The following SMOX variants were observed in gnomAD, a reference collection of about 807,000 sequenced individuals.
SMOX encodes flavin containing amine oxidase.
SMOX carries 22 observed loss-of-function variants against 51.0 expected under a neutral mutation model. The observed-to-expected ratio is 0.43, with a 90% CI of 0.31 to 0.62. The LOEUF (loss-of-function observed/expected upper bound fraction) is 0.62, where lower values mean the gene tolerates loss of function less well. SMOX is among the 20% of genes least tolerant of loss of function. SMOX has a pLI of 0.10. For missense variants in SMOX, 566 were observed against 777.7 expected (o/e 0.73, Z 3.24); for synonymous variants, 282 against 307.8 (o/e 0.92, Z 0.88).
intron 1 of SMOX, among the ~76,000 whole-genome samples, chr20:4,157,250 ACT>A (rs1277530597): frequency 2.6e-5 from 4 of 151,848 alleles, no homozygotes; most frequent in Middle Eastern, 3.2e-3. Flanking sequence ...TTGTTGTGAC[ACT>A]CTAATACCGG....
intron 1 of SMOX, among the ~76,000 whole-genome samples, chr20:4,163,762 T>C (rs1176330120): frequency 6.6e-6 from 1 of 152,138 alleles, no homozygotes; most frequent in Non-Finnish European, 1.5e-5. Context: ...GAGGGCTCAG[T>C]TCCGTGCCCT....
At chr20:4,156,701 T>C (rs538309623) in intron 1 of SMOX, among the ~76,000 whole-genome samples, 33 of 152,318 alleles carry the variant, frequency 2.2e-4, no homozygotes, top group Admixed American at 1.2e-3. Flanking sequence ...AGGACCTGTC[T>C]GGTGCCTGGG....
chr20:4,164,158 G>A (rs1047148488), intron 1 of SMOX, among the ~76,000 whole-genome samples: 3 of 152,088 alleles, frequency 2.0e-5, no homozygotes, highest in African/African-American at 7.2e-5. Flanking sequence ...GTGTCTCTGT[G>A]GGGTAGGGTG....
Position 4,182,085 on chromosome 20 carries a change from G to A in SMOX, c.610-4G>A, listed in dbSNP as rs750112362. 1.0e-5 allele frequency: 16 copies of A among 1,586,474 alleles called. No homozygotes were observed. Among genetic ancestry groups the A allele is most frequent in the African/African-American group, 4.0e-5 (3 of 74,402 alleles). ...ACCTGGCTTCTCCTTGGGTCTTCCC[G>A]CAGGTGGAGAGCTGTGAGAGCAGCT... On this transcript the variant is annotated splice_polypyrimidine_tract_variant and splice_region_variant and intron_variant, in intron 4 of 6. Transcript: ENST00000305958. This position sits in a 1 kb window ranked among gnomAD's most constrained non-coding sequence, Gnocchi z 8.4.
At chr20:4,168,031 G>C (rs1986643086) in intron 1 of SMOX, among the ~76,000 whole-genome samples, 3 of 151,538 alleles carry the variant, frequency 2.0e-5, no homozygotes, top group African/African-American at 7.3e-5. Flanking sequence ...CAGACTTCCA[G>C]GCAGTCCAAA....
chr20:4,181,173 A>G lies in SMOX; in HGVS notation c.436-630A>G, dbSNP rs1456368615. The stretch of plus-strand genomic sequence containing the variant: ...GAAATGCATCTCCCTTCCTTGGCAC[A>G]CTGGGGCCTCCTGAGACCCTGGCTT... On this transcript the variant is annotated intron_variant, in intron 3 of 6. Coordinates refer to ENST00000305958, the MANE Select transcript of SMOX (RefSeq NM_175839.3). This position sits in a 1 kb window ranked among gnomAD's most constrained non-coding sequence, Gnocchi z 5.6. Among the ~76,000 whole-genome samples the G allele has an allele frequency of 7.2e-5, 11 of 152,150 alleles. No individual in the cohort carries two copies. The highest frequency in any genetic ancestry group is 1.5e-4 in the Non-Finnish European group (10 of 68,034).
chr20:4,174,277 G>A (rs947096814), intron 1 of SMOX, among the ~76,000 whole-genome samples: 1 of 152,210 alleles, frequency 6.6e-6, no homozygotes, highest in African/African-American at 2.4e-5. Flanking sequence ...AGGCAAAGGA[G>A]GGAGAGCAGA....
rs546068074 is a variant in SMOX, at chr20:4,172,524, G to A, written c.-26-2506G>A. Among the ~76,000 whole-genome samples the A allele has an allele frequency of 2.0e-5, 3 of 152,240 alleles. No individual in the cohort carries two copies. In the South Asian group the frequency reaches 6.2e-4, roughly 32 times the overall value. Reference sequence around the variant, plus strand: ...GGAGGCAGGACCTAGCATCTCTGGGGCGAGGGAGGAGAGGGACGGGAGTCA... The same window carrying A: ...GGAGGCAGGACCTAGCATCTCTGGGACGAGGGAGGAGAGGGACGGGAGTCA... On this transcript the variant is annotated intron_variant, in intron 1 of 6. Coordinates refer to ENST00000305958, the MANE Select transcript of SMOX (RefSeq NM_175839.3). This position sits in a 1 kb window ranked among gnomAD's most constrained non-coding sequence, Gnocchi z 7.7.
At chr20:4,165,300 C>T (rs534883773) in intron 1 of SMOX, among the ~76,000 whole-genome samples, 35 of 152,206 alleles carry the variant, frequency 2.3e-4, no homozygotes, top group Non-Finnish European at 4.3e-4. Flanking sequence ...ATGATCCGCC[C>T]GCCTTGGCCT....
In SMOX at chr20:4,170,693, T is replaced by A. The variant is rs543640570; in HGVS notation, c.-26-4337T>A. ...TCTGAGTCTTTATTCTATTCATCCG[T>A]CTTTGGCAACCCTGCCACAGGACGG... On this transcript the variant is annotated intron_variant, in intron 1 of 6. Transcript: ENST00000305958. This position sits in a 1 kb window ranked among gnomAD's most constrained non-coding sequence, Gnocchi z 4.6. Among the ~76,000 whole-genome samples, 1 of 152,270 alleles carries A rather than the reference T, an allele frequency of 6.6e-6. No homozygotes were observed. The highest frequency in any genetic ancestry group is 2.4e-5 in the African/African-American group (1 of 41,552).
chr20:4,187,440 C>T lies in SMOX; in HGVS notation c.*33C>T, dbSNP rs769847717. On this transcript the variant is annotated 3_prime_UTR_variant, in exon 7 of 7. Coordinates refer to ENST00000305958, the MANE Select transcript of SMOX (RefSeq NM_175839.3). This position sits in a 1 kb window ranked among gnomAD's most constrained non-coding sequence, Gnocchi z 4.8. The stretch of plus-strand genomic sequence containing the variant: ...CCTCGCTGCTGAGAAGAGCCACTAA[C>T]TCGTGACCTCCAGCCTGCCCCTTGC... The T allele has an allele frequency of 6.2e-7, 1 of 1,604,114 alleles. No homozygotes were observed. Among genetic ancestry groups the T allele is most frequent in the Non-Finnish European group, 8.5e-7 (1 of 1,173,232 alleles).
At chr20:4,180,914 G>A (rs977591748) in intron 3 of SMOX, among the ~76,000 whole-genome samples, 7 of 152,008 alleles carry the variant, frequency 4.6e-5, no homozygotes, top group Non-Finnish European at 1.0e-4. Context: ...GGACTGTTTC[G>A]CCCACATTAC....
At chr20:4,175,372 A>T in intron 2 of SMOX, 109 bp downstream of exon 2, 1 of 1,285,236 alleles carries the variant, frequency 7.8e-7, no homozygotes. Flanking sequence ...TAAATGTTCC[A>T]TCATGCATCC....
chr20:4,169,576 A>C (rs1330584600), intron 1 of SMOX, among the ~76,000 whole-genome samples: 2 of 152,186 alleles, frequency 1.3e-5, no homozygotes, highest in African/African-American at 2.4e-5. Flanking sequence ...CTGGGACCTC[A>C]GCCCTGCCCT....
At chr20:4,151,137 A>G (rs1324295409) in intron 1 of SMOX, among the ~76,000 whole-genome samples, 1 of 151,652 alleles carries the variant, frequency 6.6e-6, no homozygotes, top group Non-Finnish European at 1.5e-5. Context: ...AGGCCCATCT[A>G]CTCACTTTTA....
At chr20:4,151,922 C>T (rs550093942) in intron 1 of SMOX, among the ~76,000 whole-genome samples, 2 of 152,296 alleles carry the variant, frequency 1.3e-5, no homozygotes, top group South Asian at 4.1e-4. Flanking sequence ...AGCCAGGTGG[C>T]AGGTTGGGGC....
chr20:4,184,942 C>T (rs569927216), intron 6 of SMOX, among the ~76,000 whole-genome samples: 2 of 152,296 alleles, frequency 1.3e-5, no homozygotes, highest in South Asian at 4.2e-4. Context: ...ATCTTGTGGT[C>T]CAAGAGGGCT....
chr20:4,164,284 C>T (rs1319472387), intron 1 of SMOX, among the ~76,000 whole-genome samples: 2 of 152,160 alleles, frequency 1.3e-5, no homozygotes, highest in African/African-American at 2.4e-5. Context: ...GCCCGATCTT[C>T]CCTGCAGTGA....
intron 1 of SMOX, among the ~76,000 whole-genome samples, chr20:4,160,131 G>C (rs1343625872): frequency 3.9e-5 from 6 of 152,216 alleles, no homozygotes; most frequent in Non-Finnish European, 8.8e-5. Context: ...TTAGTGCCTG[G>C]CAAGCCTAAT....
Sources: gnomAD v4.1 joint callset for allele counts (sites outside exome capture counted in the v4.1 genomes callset) on GRCh38, gnomAD v4.1.1 for gene constraint, Gnocchi (gnomAD v3.1) non-coding constraint, MANE v1.5 for transcripts, NCBI Gene and HGNC (gene_info 2026-07-23, HGNC 2026-07-21) for gene names.